The following ZNF565 variants were observed in gnomAD, a reference collection of about 807,000 sequenced individuals.
ZNF565 encodes zinc finger protein 565.
In ZNF565, 27 loss-of-function variants were observed where a neutral mutation model predicts 39.4. That is an observed-to-expected ratio of 0.69 (90% CI 0.51 to 0.95). ZNF565 has a LOEUF of 0.95. Ranked by LOEUF, ZNF565 falls within the 40% of genes least tolerant of loss-of-function variation. The probability of loss-of-function intolerance (pLI) is 0.00; values close to 1 mark genes in which losing one functional copy is unlikely to be tolerated. For synonymous variants in ZNF565, 185 were observed against 216.6 expected (o/e 0.85, Z 1.28); for missense variants, 524 against 621.1 (o/e 0.84, Z 1.66).
At chr19:36,192,644 G>A (rs950778188) in intron 4 of ZNF565, among the ~76,000 whole-genome samples, 1 of 152,030 alleles carries the variant, frequency 6.6e-6, no homozygotes, top group African/African-American at 2.4e-5. Flanking sequence ...AGGAGGCTGA[G>A]ACAGGAGAAT....
intron 1 of ZNF565, among the ~76,000 whole-genome samples, chr19:36,210,406 T>C (rs1346320375): frequency 1.7e-5 from 1 of 57,226 alleles, no homozygotes; most frequent in Non-Finnish European, 3.3e-5. Flanking sequence ...CCTGGGCAAG[T>C]AAAATTCTGT....
chr19:36,217,060 T>C (rs866251655), upstream of ZNF565, among the ~76,000 whole-genome samples: 3 of 129,112 alleles, frequency 2.3e-5, no homozygotes, highest in African/African-American at 8.7e-5. Context: ...CCTGTCTTTT[T>C]TTTTTTTTTT....
chr19:36,188,380 G>GA (rs557660999), intron 4 of ZNF565, among the ~76,000 whole-genome samples: 2 of 146,486 alleles, frequency 1.4e-5, no homozygotes, highest in African/African-American at 2.5e-5. Context: ...AAGAGAGAGA[G>GA]AAAAAAAAAT....
intron 1 of ZNF565, among the ~76,000 whole-genome samples, chr19:36,220,262 A>G (rs1976775258): frequency 6.6e-6 from 1 of 152,072 alleles, no homozygotes; most frequent in Non-Finnish European, 1.5e-5. Context: ...TACATTTTTA[A>G]TGTATTTTTA....
intron 1 of ZNF565, among the ~76,000 whole-genome samples, chr19:36,226,225 G>A (rs1486951934): frequency 6.6e-6 from 1 of 152,176 alleles, no homozygotes; most frequent in Non-Finnish European, 1.5e-5. Context: ...CCTACACTCT[G>A]AATGTATAGA....
At chr19:36,194,514 A>G (rs929552669) in intron 3 of ZNF565, 186 bp from the exon 4 acceptor site, 12 of 518,658 alleles carry the variant, frequency 2.3e-5, no homozygotes, top group Non-Finnish European at 4.1e-5. Context: ...TTTTTCAGTC[A>G]CCAGAAATTC....
At chr19:36,224,849 C>G (rs576038274) in intron 1 of ZNF565, among the ~76,000 whole-genome samples, 4 of 152,150 alleles carry the variant, frequency 2.6e-5, no homozygotes, top group Non-Finnish European at 4.4e-5. Context: ...AAATTTTTTT[C>G]ATACAGGTTT....
intron 4 of ZNF565, among the ~76,000 whole-genome samples, chr19:36,191,377 GGGGCAATCTC>G (rs1177172981): frequency 6.7e-6 from 1 of 149,014 alleles, no homozygotes; most frequent in Non-Finnish European, 1.5e-5. Flanking sequence ...GGAGTGCAGT[GGGGCAATCTC>G]GGCTCTCAGC....
intron 4 of ZNF565, among the ~76,000 whole-genome samples, chr19:36,184,014 G>T: frequency 7.0e-6 from 1 of 142,886 alleles, no homozygotes; most frequent in East Asian, 2.2e-4. Flanking sequence ...GGAGGCAGAG[G>T]TCGCAGTGAG....
chr19:36,223,726 T>G (rs1976960027), intron 1 of ZNF565, among the ~76,000 whole-genome samples: 1 of 152,146 alleles, frequency 6.6e-6, no homozygotes, highest in African/African-American at 2.4e-5. Context: ...TATTTTCAAA[T>G]TCTTATAAAG....
intron 1 of ZNF565, among the ~76,000 whole-genome samples, chr19:36,240,265 A>G (rs1376483459): frequency 1.3e-5 from 2 of 152,196 alleles, no homozygotes; most frequent in African/African-American, 4.8e-5. Context: ...ACTAATCTAG[A>G]GATGATTCTA....
At chr19:36,235,207 C>CAAAA (rs112972407) in intron 1 of ZNF565, among the ~76,000 whole-genome samples, 1 of 121,586 alleles carries the variant, frequency 8.2e-6, no homozygotes, top group African/African-American at 3.3e-5. Context: ...AATTCCGTCT[C>CAAAA]AAAAAAAAAA....
chr19:36,183,751 G>A lies in ZNF565; in HGVS notation c.233-18C>T. The A allele has an allele frequency of 6.3e-7, 1 of 1,590,242 alleles. No homozygotes were observed. The highest frequency in any genetic ancestry group is 8.6e-7 in the Non-Finnish European group (1 of 1,168,892). ...CTCCAAGTCTGAAAAATAAGAAAAA[G>A]ATAAATACAAGCTGTGATCCTTCTC... On this transcript the variant is annotated intron_variant, in intron 4 of 4. Coordinates refer to ENST00000304116, the MANE Select transcript of ZNF565 (RefSeq NM_152477.5).
intron 4 of ZNF565, among the ~76,000 whole-genome samples, chr19:36,185,586 G>C (rs917073715): frequency 6.6e-6 from 1 of 151,894 alleles, no homozygotes; most frequent in African/African-American, 2.4e-5. Context: ...CCATCTATGA[G>C]CATGTAAAAT....
In ZNF565 at chr19:36,182,762, G is replaced by A. The variant is rs1170177301; in HGVS notation, c.1204C>T (p.Arg402Cys). The A allele has an allele frequency of 1.3e-5, 21 of 1,613,926 alleles. No homozygotes were observed. Among genetic ancestry groups the A allele is most frequent in the East Asian group, 4.5e-5 (2 of 44,884 alleles). ...TGATGTTGAATGAGGTATGAGCTACGACTAAATGCCTTCCCGCAGTCCTTA... is the reference window on the plus strand; with the variant it reads ...TGATGTTGAATGAGGTATGAGCTACAACTAAATGCCTTCCCGCAGTCCTTA... ...ECKDCGKAFS[R>C]SSYLIQHQRI... is the part of the protein sequence containing the mutation. The change falls in exon 5 of 5, where the codon CGT (arginine) becomes TGT (cysteine). Residue 402 changes from arginine to cysteine, a missense_variant. By Grantham distance (180) the Arg-to-Cys change is radical. Transcript: ENST00000304116.
chr19:36,237,211 G>A lies in ZNF565; in HGVS notation c.55+8265C>T, dbSNP rs376656386. On this transcript the variant is annotated intron_variant, in intron 1 of 4. Coordinates refer to the ZNF565 transcript ENST00000355114. ...TCTCTCAGTTCTCAACCCTTGCTCT[G>A]CATTTGAGAATACACACAGGTAAGA... 44 of 1,614,098 alleles carry A rather than the reference G, an allele frequency of 2.7e-5. 1 individual carries two copies. The highest frequency in any genetic ancestry group is 2.7e-4 in the African/African-American group (20 of 75,024).
chr19:36,210,449 G>A (rs1976313607), intron 1 of ZNF565, among the ~76,000 whole-genome samples: 2 of 146,068 alleles, frequency 1.4e-5, no homozygotes, highest in South Asian at 4.3e-4. Context: ...AAAAAATCTG[G>A]AAATGGAGAG....
upstream of ZNF565, among the ~76,000 whole-genome samples, chr19:36,219,358 T>G (rs1976744178): frequency 1.3e-5 from 2 of 152,014 alleles, no homozygotes; most frequent in Admixed American, 1.3e-4. Flanking sequence ...AGAGATGGAG[T>G]CTTACTATGT....
chr19:36,229,604 A>G (rs1025208730), intron 1 of ZNF565, among the ~76,000 whole-genome samples: 4 of 152,234 alleles, frequency 2.6e-5, no homozygotes, highest in Non-Finnish European at 5.9e-5. Context: ...CTATGCTGCA[A>G]ATATATATAC....
Sources: gnomAD v4.1 joint callset for allele counts (sites outside exome capture counted in the v4.1 genomes callset) on GRCh38, gnomAD v4.1.1 for gene constraint, MANE v1.5 for transcripts, NCBI Gene and HGNC (gene_info 2026-07-23, HGNC 2026-07-21) for gene names.